The following COL6A6 variants were observed in gnomAD, a reference collection of about 807,000 sequenced individuals.
The protein encoded by COL6A6 is collagen type VI alpha 6 chain, also known as collagen alpha-6(VI) chain.
A neutral mutation model predicts 208.6 loss-of-function variants in COL6A6; 183 were observed. The observed-to-expected ratio is 0.88, with a 90% confidence interval of 0.78 to 0.99. The LOEUF (loss-of-function observed/expected upper bound fraction) is 0.99, where lower values mean the gene tolerates loss of function less well. COL6A6 is among the 50% of genes least tolerant of loss of function. The probability of loss-of-function intolerance (pLI) is 0.00; values close to 1 mark genes in which losing one functional copy is unlikely to be tolerated. For missense variants in COL6A6, 2,816 were observed against 2,815.2 expected, an observed-to-expected ratio of 1.00 and a Z score of -0.01; for synonymous variants, 973 against 1,011.8, an observed-to-expected ratio of 0.96 and a Z score of 0.73.
intron 1 of COL6A6, among the ~76,000 whole-genome samples, chr3:130,537,627 T>G (rs1487278422): frequency 1.3e-5 from 2 of 152,276 alleles, no homozygotes; most frequent in African/African-American, 4.8e-5. Context: ...AGCAGATATT[T>G]GTTGAATGTC....
chr3:130,667,412 A>AT (rs897006835), intron 36 of COL6A6, among the ~76,000 whole-genome samples: 12 of 151,928 alleles, frequency 7.9e-5, no homozygotes, highest in Middle Eastern at 6.8e-3. Flanking sequence ...AATTTTTTGT[A>AT]TTTTTTAGGA....
At chr3:130,590,182 T>C (rs1272893070) in intron 12 of COL6A6, 2 of 187,430 alleles carry the variant, frequency 1.1e-5, no homozygotes, top group Non-Finnish European at 2.2e-5. Context: ...TAAACCCAGA[T>C]TTACAATATT....
chr3:130,571,357 G>T lies in COL6A6; in HGVS notation c.2941G>T (p.Asp981Tyr). The change falls in exon 7 of 37, where the codon GAT becomes TAT. Residue 981 changes from aspartate to tyrosine, a missense_variant. Transcript: ENST00000358511. ...TFGGLKGIFS[D>Y]VTASVCNSSK... ...TGGAGGTCTGAAGGGAATATTTTCA[G>T]ATGTGACAGCCAGTGTCTGCAACTC... 1 of 1,598,226 alleles carries T rather than the reference G, an allele frequency of 6.3e-7. No individual in the cohort carries two copies. Among genetic ancestry groups the T allele is most frequent in the Admixed American group, 1.8e-5 (1 of 56,670 alleles).
Position 130,568,086 on chromosome 3 carries a change from A to G in COL6A6, c.1883A>G (p.Asp628Gly). 6.2e-7 allele frequency: 1 copy of G among 1,613,472 alleles called. No individual in the cohort carries two copies. Among genetic ancestry groups the G allele is most frequent in the Non-Finnish European group, 8.5e-7 (1 of 1,179,668 alleles). Residue 628 changes from aspartate to glycine, a missense_variant, in exon 6 of 37, where the codon GAC (aspartate) becomes GGC (glycine). Physicochemically the swap from Asp to Gly is moderately conservative, Grantham distance 94. Coordinates refer to ENST00000358511, the MANE Select transcript of COL6A6 (RefSeq NM_001102608.3). ...EMKADIMFLV[D>G]SSGSIGPENF... is the part of the protein sequence containing the mutation. Reference sequence around the variant, plus strand: ...AAAGCTGACATCATGTTTCTGGTGGACAGTTCTGGAAGTATAGGACCTGAA... The same window carrying G: ...AAAGCTGACATCATGTTTCTGGTGGGCAGTTCTGGAAGTATAGGACCTGAA...
In COL6A6 at chr3:130,627,235, A is replaced by G. The variant is rs2064916548; in HGVS notation, c.4942-84A>G. ...CCTGCTTTTCCTTTATCAAACCAAA[A>G]AGCTGGCAATGTTGTCCTCTTGAAG... On this transcript the variant is annotated intron_variant, in intron 25 of 36. Coordinates refer to ENST00000358511, the MANE Select transcript of COL6A6 (RefSeq NM_001102608.3). The G allele has an allele frequency of 6.0e-6, 8 of 1,335,850 alleles. No individual in the cohort carries two copies. The South Asian group carries it at 9.5e-5, about 16-fold the overall frequency. The allele number at this position is 1,335,850 out of a possible 1,614,324, so 82.7% of individuals were successfully genotyped here. A position where few individuals can be genotyped will look rare whatever the true frequency, so the allele number is the denominator to read the frequency against.
intron 11 of COL6A6, among the ~76,000 whole-genome samples, chr3:130,587,929 C>A (rs1343189871): frequency 6.6e-6 from 1 of 152,096 alleles, no homozygotes; most frequent in Non-Finnish European, 1.5e-5. Flanking sequence ...GAAGGAAATT[C>A]TTCTTCAAAC....
chr3:130,524,825 C>A (rs1208737910), intron 1 of COL6A6, among the ~76,000 whole-genome samples: 1 of 152,136 alleles, frequency 6.6e-6, no homozygotes, highest in African/African-American at 2.4e-5. Flanking sequence ...CTGCTAAAGT[C>A]CCCCTTGAGA....
At chr3:130,640,534 C>T (rs544561255) in intron 28 of COL6A6, among the ~76,000 whole-genome samples, 1 of 152,122 alleles carries the variant, frequency 6.6e-6, no homozygotes, top group Admixed American at 6.5e-5. Flanking sequence ...CATTGGAATG[C>T]CCAAAGGATA....
At chr3:130,638,075 C>CA (rs1394457449) in intron 28 of COL6A6, among the ~76,000 whole-genome samples, 1 of 151,580 alleles carries the variant, frequency 6.6e-6, no homozygotes, top group African/African-American at 2.4e-5. Context: ...AAAAAGGAGT[C>CA]AAAATTCTCC....
At chr3:130,601,389 G>A (rs1339533321) in intron 20 of COL6A6, among the ~76,000 whole-genome samples, 1 of 152,150 alleles carries the variant, frequency 6.6e-6, no homozygotes, top group Non-Finnish European at 1.5e-5. Context: ...AATGAAAAGA[G>A]ATCGTTTAAA....
At chr3:130,582,523 A>C (rs555333913) in intron 10 of COL6A6, among the ~76,000 whole-genome samples, 1 of 152,230 alleles carries the variant, frequency 6.6e-6, no homozygotes, top group South Asian at 2.1e-4. Context: ...GCAGCTTTCT[A>C]ATCAGTTCCT....
intron 10 of COL6A6, among the ~76,000 whole-genome samples, chr3:130,583,969 A>C (rs973179145): frequency 1.8e-4 from 27 of 152,216 alleles, no homozygotes; most frequent in African/African-American, 6.0e-4. Flanking sequence ...AGAGGAGACA[A>C]GGAAAAAACA....
intron 5 of COL6A6, 54 bp from the exon 6 acceptor site, chr3:130,567,993 T>G: frequency 6.9e-6 from 10 of 1,441,936 alleles, no homozygotes; most frequent in Non-Finnish European, 8.5e-6. Context: ...CTGTTTACTC[T>G]GAACTTTTTA....
chr3:130,522,435 A>G (rs1480804590), intron 1 of COL6A6, among the ~76,000 whole-genome samples: 1 of 152,200 alleles, frequency 6.6e-6, no homozygotes, highest in Non-Finnish European at 1.5e-5. Flanking sequence ...GAGGTTCTGG[A>G]AAGTGGTTCA....
intron 22 of COL6A6, among the ~76,000 whole-genome samples, chr3:130,609,269 T>TTTGGGAAC (rs1315572611): frequency 1.3e-5 from 2 of 152,204 alleles, no homozygotes. Flanking sequence ...GAACCTCAGA[T>TTTGGGAAC]CTGGGAATTG....
intron 22 of COL6A6, 149 bp from the exon 23 acceptor site, chr3:130,610,500 C>T (rs1408424203): frequency 4.7e-6 from 3 of 637,070 alleles, no homozygotes; most frequent in East Asian, 3.0e-5. Context: ...ATGAGCTCCA[C>T]AGGCCAGGAT....
At chr3:130,597,238 A>G (rs543169582) in intron 18 of COL6A6, among the ~76,000 whole-genome samples, 1 of 152,340 alleles carries the variant, frequency 6.6e-6, no homozygotes, top group African/African-American at 2.4e-5. Context: ...AGAACGTAAG[A>G]GACAAATATT....
At chr3:130,669,493 T>G (rs1418451261) in intron 36 of COL6A6, among the ~76,000 whole-genome samples, 1 of 151,778 alleles carries the variant, frequency 6.6e-6, no homozygotes, top group Non-Finnish European at 1.5e-5. Context: ...TAGTGAAAAC[T>G]TAAAAATACT....
chr3:130,627,106 G>C (rs1335570183), intron 25 of COL6A6, among the ~76,000 whole-genome samples: 2 of 152,128 alleles, frequency 1.3e-5, no homozygotes, highest in African/African-American at 2.4e-5. Flanking sequence ...TTACAGATGG[G>C]AATACCTAGG....
Sources: gnomAD v4.1 joint callset for allele counts (sites outside exome capture counted in the v4.1 genomes callset) on GRCh38, gnomAD v4.1.1 for gene constraint, MANE v1.5 for transcripts, NCBI Gene and HGNC (gene_info 2026-07-23, HGNC 2026-07-21) for gene names.